Variants in CACNA2D3 observed in about 807,000 individuals in gnomAD.
CACNA2D3 encodes voltage-dependent calcium channel subunit alpha-2/delta-3.
Under a neutral mutation model 160.6 loss-of-function variants are expected in CACNA2D3, and 60 were observed. That is an observed-to-expected ratio of 0.37 (90% CI 0.30 to 0.46). The LOEUF is 0.46. Among genes scored for constraint, CACNA2D3 ranks in the 20% least tolerant of loss-of-function variants. CACNA2D3 has a pLI of 1.00. For synonymous variants in CACNA2D3, 558 were observed against 492.9 expected (o/e 1.13, Z -1.75); for missense variants, 1,205 against 1,365.0 (o/e 0.88, Z 1.85).
chr3:54,293,124 C>T (rs1316677071), intron 2 of CACNA2D3, among the ~76,000 whole-genome samples: 3 of 152,158 alleles, frequency 2.0e-5, no homozygotes, highest in East Asian at 1.9e-4. Flanking sequence ...CTGGAATAGG[C>T]GAATTCCTAG....
At chr3:54,667,421 G>A (rs1700086696) in intron 11 of CACNA2D3, among the ~76,000 whole-genome samples, 1 of 152,182 alleles carries the variant, frequency 6.6e-6, no homozygotes, top group Non-Finnish European at 1.5e-5. Flanking sequence ...AAGAAGGTCA[G>A]ATGCCATTTG....
intron 2 of CACNA2D3, among the ~76,000 whole-genome samples, chr3:54,141,077 G>GTGTGTA (rs1250105711): frequency 7.8e-6 from 1 of 128,462 alleles, no homozygotes; most frequent in East Asian, 2.2e-4. Flanking sequence ...GTGTGTGTGT[G>GTGTGTA]TGTGTGTGTG....
chr3:54,630,607 A>C lies in CACNA2D3; in HGVS notation c.1053+2731A>C, dbSNP rs373731284. Among the ~76,000 whole-genome samples, 17 of 152,282 alleles carry C rather than the reference A, an allele frequency of 1.1e-4. No individual in the cohort carries two copies. In the South Asian group the frequency reaches 1.9e-3, roughly 17 times the overall value. On this transcript the variant is annotated intron_variant, in intron 10 of 37. Coordinates refer to ENST00000474759, the MANE Select transcript of CACNA2D3 (RefSeq NM_018398.3). ...TACTAACCCAGGAACACTTTATATC[A>C]TACCATCATCTCCGTATTAGCATCT... is the stretch of plus-strand genomic sequence containing the variant.
chr3:54,843,108 C>T (rs1252011694), intron 16 of CACNA2D3, among the ~76,000 whole-genome samples: 1 of 151,700 alleles, frequency 6.6e-6, no homozygotes, highest in Non-Finnish European at 1.5e-5. Flanking sequence ...ATTACAGGTG[C>T]CCGCCACCAT....
rs575995624 is a variant in CACNA2D3, at chr3:54,578,145, C to T, written c.889-3658C>T. Among the ~76,000 whole-genome samples, 6 of 152,216 alleles carry T rather than the reference C, an allele frequency of 3.9e-5. No individual in the cohort carries two copies. In the South Asian group the frequency reaches 8.3e-4, roughly 21 times the overall value. ...GGGCAGAAAGGGGAAAGTTTAAGTACGTCTTTAGGGTTCAATCCTGGTAGT... is the reference window on the plus strand; with the variant it reads ...GGGCAGAAAGGGGAAAGTTTAAGTATGTCTTTAGGGTTCAATCCTGGTAGT... On this transcript the variant is annotated intron_variant, in intron 8 of 37. Coordinates refer to ENST00000474759, the MANE Select transcript of CACNA2D3 (RefSeq NM_018398.3).
intron 4 of CACNA2D3, among the ~76,000 whole-genome samples, chr3:54,428,163 C>T (rs1383994717): frequency 1.3e-5 from 2 of 152,198 alleles, no homozygotes; most frequent in African/African-American, 4.8e-5. Context: ...TCTTCTTCCA[C>T]TTGAATTAAA....
In CACNA2D3 at chr3:54,678,646, G is replaced by A. The variant is rs538009623; in HGVS notation, c.1167+36405G>A. The stretch of plus-strand genomic sequence containing the variant: ...TGAGGCAGAAGAATCGCTTGAAGCC[G>A]GGAGGTGGAGGTTGTAATGAGCCGA... On this transcript the variant is annotated intron_variant, in intron 11 of 37. Transcript: ENST00000474759. Among the ~76,000 whole-genome samples the A allele has an allele frequency of 3.4e-5, 5 of 147,574 alleles. 1 individual carries two copies. Among genetic ancestry groups the A allele is most frequent in the African/African-American group, 1.2e-4 (5 of 40,522 alleles).
intron 3 of CACNA2D3, among the ~76,000 whole-genome samples, chr3:54,335,066 CCTAAAGA>C (rs1370642266): frequency 2.0e-5 from 3 of 152,138 alleles, no homozygotes; most frequent in Non-Finnish European, 4.4e-5. Context: ...AGTTCTACTT[CCTAAAGA>C]CTAGTTACTA....
chr3:54,563,169 A>G (rs1366544125), intron 6 of CACNA2D3, among the ~76,000 whole-genome samples: 1 of 152,192 alleles, frequency 6.6e-6, no homozygotes, highest in African/African-American at 2.4e-5. Flanking sequence ...TCTCAATAGA[A>G]TAATTCACAG....
At chr3:54,332,767 C>T (rs1559452616) in intron 3 of CACNA2D3, among the ~76,000 whole-genome samples, 1 of 152,206 alleles carries the variant, frequency 6.6e-6, no homozygotes, top group Non-Finnish European at 1.5e-5. Context: ...GGTGGGGAAG[C>T]ATGCTCACCT....
At chr3:54,185,685 T>C (rs1041123930) in intron 2 of CACNA2D3, among the ~76,000 whole-genome samples, 1 of 152,222 alleles carries the variant, frequency 6.6e-6, no homozygotes, top group Non-Finnish European at 1.5e-5. Flanking sequence ...ACTCTGCTGT[T>C]GTTGTGTGAA....
intron 2 of CACNA2D3, among the ~76,000 whole-genome samples, chr3:54,161,401 A>G (rs1316792393): frequency 2.6e-5 from 4 of 152,232 alleles, no homozygotes; most frequent in African/African-American, 9.6e-5. Context: ...TTAATTTTCA[A>G]AAACATAGGC....
intron 27 of CACNA2D3, among the ~76,000 whole-genome samples, chr3:54,951,226 A>G (rs1410627190): frequency 6.6e-6 from 1 of 152,234 alleles, no homozygotes; most frequent in East Asian, 1.9e-4. Context: ...ACTTTGGTGC[A>G]AAATCTGTCA....
chr3:54,703,861 C>T (rs1199406669), intron 11 of CACNA2D3, among the ~76,000 whole-genome samples: 2 of 152,114 alleles, frequency 1.3e-5, no homozygotes, highest in East Asian at 1.9e-4. Context: ...AACAGAGAGC[C>T]GCATTTGTTT....
chr3:55,068,870 A>G (rs1704731372), intron 35 of CACNA2D3, among the ~76,000 whole-genome samples: 1 of 152,200 alleles, frequency 6.6e-6, no homozygotes. Context: ...CTTTACTGAG[A>G]AGTAAAACTA....
At chr3:54,800,167 T>C (rs1559586339) in intron 13 of CACNA2D3, among the ~76,000 whole-genome samples, 1 of 152,218 alleles carries the variant, frequency 6.6e-6, no homozygotes, top group Non-Finnish European at 1.5e-5. Flanking sequence ...ATTTCCAAAA[T>C]GAATGCTGCA....
chr3:55,011,575 G>C (rs1252052310), intron 34 of CACNA2D3, among the ~76,000 whole-genome samples: 2 of 151,492 alleles, frequency 1.3e-5, no homozygotes, highest in Non-Finnish European at 2.9e-5. Context: ...TTAAAAAAAT[G>C]CTCATGAAAT....
chr3:54,671,922 G>T (rs1700171315), intron 11 of CACNA2D3, among the ~76,000 whole-genome samples: 1 of 152,198 alleles, frequency 6.6e-6, no homozygotes, highest in Non-Finnish European at 1.5e-5. Flanking sequence ...GAGACTTGAT[G>T]GGGTCACAAA....
At chr3:54,792,948 G>A (rs1702792212) in intron 13 of CACNA2D3, among the ~76,000 whole-genome samples, 2 of 152,134 alleles carry the variant, frequency 1.3e-5, no homozygotes, top group South Asian at 4.1e-4. Flanking sequence ...TTCAGTGCAG[G>A]CAAAAAACTG....
Sources: allele counts gnomAD v4.1 joint callset (sites outside exome capture counted in the v4.1 genomes callset), GRCh38; gene constraint gnomAD v4.1.1; transcripts MANE v1.5; gene names NCBI Gene and HGNC (gene_info 2026-07-23, HGNC 2026-07-21).